Variants in ARPC1A observed in about 807,000 individuals in gnomAD.
ARPC1A encodes actin-related protein 2/3 complex subunit 1A.
ARPC1A carries 8 observed loss-of-function variants against 46.9 expected under a neutral mutation model. That is an observed-to-expected ratio of 0.17 (90% confidence interval 0.10 to 0.31). ARPC1A has a LOEUF of 0.31. ARPC1A is among the 10% of genes least tolerant of loss of function. ARPC1A has a pLI of 1.00. For synonymous variants in ARPC1A, 152 were observed against 169.0 expected (o/e 0.90, Z 0.78); for missense variants, 286 against 483.6 (o/e 0.59, Z 3.83).
intron 6 of ARPC1A, among the ~76,000 whole-genome samples, chr7:99,356,625 G>A (rs1793639259): frequency 6.6e-6 from 1 of 151,342 alleles, no homozygotes; most frequent in Admixed American, 6.6e-5. Context: ...AAAAAGACTG[G>A]GCACAGTGGC....
At chr7:99,327,018 C>T (rs1483103338) in intron 1 of ARPC1A, among the ~76,000 whole-genome samples, 1 of 152,138 alleles carries the variant, frequency 6.6e-6, no homozygotes, top group South Asian at 2.1e-4. Flanking sequence ...TATGTCAACT[C>T]GTAGCTTAAA....
intron 1 of ARPC1A, 85 bp from the exon 2 acceptor site, chr7:99,333,240 A>G (rs1028793823): frequency 2.5e-5 from 21 of 838,812 alleles, no homozygotes; most frequent in Non-Finnish European, 3.9e-5. Context: ...ATTTCCGAAC[A>G]TCTTAAGATC....
intron 1 of ARPC1A, among the ~76,000 whole-genome samples, chr7:99,327,834 G>A (rs572172627): frequency 5.3e-5 from 8 of 152,172 alleles, no homozygotes; most frequent in Admixed American, 2.0e-4. Context: ...ACTGGAGCCT[G>A]TCTGAATGTT....
At chr7:99,358,526 A>C in intron 7 of ARPC1A, 111 bp downstream of exon 7, 1 of 862,180 alleles carries the variant, frequency 1.2e-6, no homozygotes, top group Non-Finnish European at 1.7e-6. Flanking sequence ...TTTAGAAGAA[A>C]CAGAGCTCAC....
chr7:99,343,631 G>A (rs147199729), intron 3 of ARPC1A, among the ~76,000 whole-genome samples: 38 of 152,240 alleles, frequency 2.5e-4, no homozygotes, highest in African/African-American at 8.9e-4. Context: ...GATAAGTAAA[G>A]TCTCATCAAA....
At chr7:99,365,314 A>G (rs1793817185) in intron 9 of ARPC1A, among the ~76,000 whole-genome samples, 1 of 152,050 alleles carries the variant, frequency 6.6e-6, no homozygotes, top group South Asian at 2.1e-4. Context: ...AGCCAGGCGC[A>G]CTGACCCACT....
chr7:99,351,962 A>G (rs2150869631), intron 5 of ARPC1A, among the ~76,000 whole-genome samples: 1 of 152,254 alleles, frequency 6.6e-6, no homozygotes, highest in East Asian at 1.9e-4. Context: ...CCACCTATAA[A>G]GGACCTGCCT....
At chr7:99,355,276 A>G (rs1246895357) in intron 6 of ARPC1A, among the ~76,000 whole-genome samples, 2 of 150,668 alleles carry the variant, frequency 1.3e-5, no homozygotes, top group African/African-American at 4.9e-5. Context: ...GAGCAAAACT[A>G]TGTCTCAAAA....
Position 99,363,558 on chromosome 7 carries a change from T to C in ARPC1A, c.999T>C (p.Tyr333=). ...HQNSITQVSI[Y]EVDKQDCRKF... is the part of the protein sequence containing the mutation. ...TTTTTTTCAGTCAAGTCTCTATTTA[T>C]GAGGTGGACAAGCAAGATTGTCGCA... Residue 333 remains tyrosine, a synonymous_variant, in exon 9 of 10, where the codon TAT becomes TAC. Transcript: ENST00000262942. 6.2e-7 allele frequency: 1 copy of C among 1,613,240 alleles called. No individual in the cohort carries two copies. The highest frequency in any genetic ancestry group is 8.5e-7 in the Non-Finnish European group (1 of 1,179,750).
Position 99,354,047 on chromosome 7 carries a change from T to C in ARPC1A, c.639T>C (p.Ser213=). The C allele has an allele frequency of 2.5e-6, 4 of 1,614,040 alleles. No individual in the cohort carries two copies. The highest frequency in any genetic ancestry group is 3.4e-6 in the Non-Finnish European group (4 of 1,179,948). ...GCTGGGTCCACGGGGTAAGCTTCTC[T>C]GCCAGTGGGAGCCGCCTGGCCTGGG... The part of the protein sequence containing the change: ...TGGWVHGVSF[S]ASGSRLAWVS... The change falls in exon 6 of 10, where the codon TCT becomes TCC. Residue 213 remains serine (S), a synonymous_variant. Coordinates refer to ENST00000262942, the MANE Select transcript of ARPC1A (RefSeq NM_006409.4).
intron 1 of ARPC1A, among the ~76,000 whole-genome samples, chr7:99,327,191 C>CTT (rs748190485): frequency 1.4e-5 from 2 of 143,246 alleles, no homozygotes; most frequent in Non-Finnish European, 1.5e-5. Flanking sequence ...TGTTGTCTTC[C>CTT]TTTTTTTTTT....
intron 3 of ARPC1A, among the ~76,000 whole-genome samples, chr7:99,340,790 T>C (rs759050015): frequency 5.3e-5 from 8 of 152,198 alleles, no homozygotes; most frequent in Non-Finnish European, 1.0e-4. Context: ...TGTCCTGCAT[T>C]CTTCAGCAAT....
intron 5 of ARPC1A, among the ~76,000 whole-genome samples, chr7:99,351,420 T>A (rs1793540551): frequency 6.6e-6 from 1 of 152,034 alleles, no homozygotes; most frequent in African/African-American, 2.4e-5. Context: ...GGTTTCACCA[T>A]ATTGGCCAGG....
At chr7:99,338,063 T>C in intron 2 of ARPC1A, 118 bp from the exon 3 acceptor site, 1 of 667,212 alleles carries the variant, frequency 1.5e-6, no homozygotes, top group Non-Finnish European at 2.4e-6. Context: ...GGGAACTACT[T>C]TTTCAAAAGT....
intron 1 of ARPC1A, among the ~76,000 whole-genome samples, chr7:99,326,358 A>G (rs182516076): frequency 2.2e-4 from 33 of 152,280 alleles, no homozygotes; most frequent in African/African-American, 7.0e-4. Flanking sequence ...CCGCGGGACT[A>G]TTCATCTCTT....
chr7:99,353,668 G>A (rs1390875274), intron 5 of ARPC1A, among the ~76,000 whole-genome samples: 3 of 150,770 alleles, frequency 2.0e-5, no homozygotes, highest in South Asian at 2.1e-4. Context: ...TAGTAGAGAC[G>A]GGGTTTCTCC....
chr7:99,365,220 GT>G (rs1793815304), intron 9 of ARPC1A, among the ~76,000 whole-genome samples: 1 of 152,126 alleles, frequency 6.6e-6, no homozygotes, highest in Non-Finnish European at 1.5e-5. Context: ...GGAGGCCGAG[GT>G]GGGAGAATCG....
intron 5 of ARPC1A, 26 bp from the exon 6 acceptor site, chr7:99,353,883 T>C: frequency 6.2e-7 from 1 of 1,605,828 alleles, no homozygotes; most frequent in East Asian, 2.2e-5. Context: ...ATTTGCTTTT[T>C]CCTTTTCTCT....
chr7:99,358,451 T>C, intron 7 of ARPC1A, 36 bp downstream of exon 7: 1 of 1,571,456 alleles, frequency 6.4e-7, no homozygotes, highest in Non-Finnish European at 8.8e-7. Flanking sequence ...CGGGGTGCAC[T>C]GTATGTGATG....
Sources: gnomAD v4.1 joint callset for allele counts (sites outside exome capture counted in the v4.1 genomes callset) on GRCh38, gnomAD v4.1.1 for gene constraint, MANE v1.5 for transcripts, NCBI Gene and HGNC (gene_info 2026-07-23, HGNC 2026-07-21) for gene names.